Variants in MIDN observed in about 807,000 individuals in gnomAD.
The protein encoded by MIDN is midnolin.
A neutral mutation model predicts 46.1 loss-of-function variants in MIDN; 26 were observed. The observed-to-expected ratio is 0.56, with a 90% CI of 0.41 to 0.78. MIDN has a LOEUF of 0.78. Ranked by LOEUF, MIDN falls within the 30% of genes least tolerant of loss-of-function variation. The probability of loss-of-function intolerance (pLI) is 0.00; values close to 1 mark genes in which losing one functional copy is unlikely to be tolerated. For missense variants in MIDN, 850 were observed against 771.8 expected, an observed-to-expected ratio of 1.10 and a Z score of -1.20; for synonymous variants, 432 against 343.3, an observed-to-expected ratio of 1.26 and a Z score of -2.86.
In MIDN at chr19:1,253,045, G is replaced by GGC. The variant is rs1279162634; in HGVS notation, c.385-908_385-907insCG. On this transcript the variant is annotated intron_variant, in intron 4 of 8. Transcript: ENST00000682408. The stretch of plus-strand genomic sequence containing the variant: ...GGAAGGAGCTGGGTTGGGGGGGGCT[G>GGC]GAGGGGGTGCTGGGCGGAGACACTG... Among the ~76,000 whole-genome samples, 23 of 46,478 alleles carry GGC rather than the reference G, an allele frequency of 4.9e-4. 1 individual carries two copies. Among genetic ancestry groups the GGC allele is most frequent in the African/African-American group, 2.2e-3 (23 of 10,226 alleles). 30.5% of individuals were successfully genotyped at this position (46,478 alleles called of 152,430 possible). A position where few individuals can be genotyped will look rare whatever the true frequency, so the allele number is the denominator to read the frequency against.
At position 1,254,235 on chromosome 19, in the gene MIDN, C is replaced by A. The variant is rs766023183; in HGVS notation, c.582C>A (p.Phe194Leu). ...LALRVGDHMM[F>L]VQLQLAAQHA... ...TGCGTGTGGGCGACCACATGATGTTCGTGCAGCTGCAGCTCGCGGCCCAGC... is the reference window on the plus strand; with the variant it reads ...TGCGTGTGGGCGACCACATGATGTTAGTGCAGCTGCAGCTCGCGGCCCAGC... Residue 194 changes from phenylalanine to leucine, a missense_variant, in exon 6 of 9, where the codon TTC (phenylalanine) becomes TTA (leucine). By Grantham distance (22) the Phe-to-Leu change is conservative. Coordinates refer to ENST00000682408, the MANE Select transcript of MIDN (RefSeq NM_001388306.1). 6.3e-7 allele frequency: 1 copy of A among 1,596,712 alleles called. No individual in the cohort carries two copies. Among genetic ancestry groups the A allele is most frequent in the South Asian group, 1.1e-5 (1 of 90,352 alleles).
chr19:1,250,651 G>A (rs1319864976), intron 2 of MIDN, 122 bp downstream of exon 2: 2 of 334,536 alleles, frequency 6.0e-6, no homozygotes, highest in Non-Finnish European at 8.9e-6. Context: ...CGCGCCGCGC[G>A]CTCTCGGGCG....
At position 1,257,448 on chromosome 19, in the gene MIDN, A is replaced by G. The variant is rs2081214028; in HGVS notation, c.*176A>G. ...TTTTTTCTTTTTTTAAAAAGTTCTGACCGTGGTTTCCTGGACTCTTCATGG... is the reference window on the plus strand; with the variant it reads ...TTTTTTCTTTTTTTAAAAAGTTCTGGCCGTGGTTTCCTGGACTCTTCATGG... On this transcript the variant is annotated 3_prime_UTR_variant, in exon 9 of 9. Coordinates refer to ENST00000682408, the MANE Select transcript of MIDN (RefSeq NM_001388306.1). 1.7e-6 allele frequency: 1 copy of G among 584,700 alleles called. No homozygotes were observed. The highest frequency in any genetic ancestry group is 3.1e-5 in the East Asian group (1 of 32,600). The allele number at this position is 584,700 out of a possible 1,614,324, so 36.2% of individuals were successfully genotyped here.
chr19:1,251,632 G>C lies in MIDN; in HGVS notation c.304G>C (p.Val102Leu). The C allele has an allele frequency of 6.2e-7, 1 of 1,609,474 alleles. No individual in the cohort carries two copies. The highest frequency in any genetic ancestry group is 8.5e-7 in the Non-Finnish European group (1 of 1,178,414). Residue 102 changes from valine to leucine, a missense_variant, in exon 3 of 9, where the codon GTG (valine) becomes CTG (leucine). Transcript: ENST00000682408. ...CAGCAAGCTGACCTTGGTACCCACCGTGGAAGCGGGCCTCATGGTAAATGG... is the reference window on the plus strand; with the variant it reads ...CAGCAAGCTGACCTTGGTACCCACCCTGGAAGCGGGCCTCATGGTAAATGG... ...DGSKLTLVPTVEAGLMSQASR... is the reference protein window; with the variant it reads ...DGSKLTLVPTLEAGLMSQASR...
Position 1,256,933 on chromosome 19 carries a change from G to A in MIDN, c.1259-62G>A, listed in dbSNP as rs367800512. 1.0e-4 allele frequency: 160 copies of A among 1,594,570 alleles called. 2 individuals carry two copies. In the South Asian group the frequency reaches 1.7e-3, roughly 17 times the overall value. Reference sequence around the variant, plus strand: ...TCAGGGGCATTTGCTGGGGTCTGGGGTGGTCCTCTGTGTTCAGCAGGTGGA... The same window carrying A: ...TCAGGGGCATTTGCTGGGGTCTGGGATGGTCCTCTGTGTTCAGCAGGTGGA... On this transcript the variant is annotated intron_variant, in intron 8 of 8. Transcript: ENST00000682408.
chr19:1,254,506 C>T (rs1274192844), intron 6 of MIDN, 28 bp downstream of exon 6: 1 of 1,537,946 alleles, frequency 6.5e-7, no homozygotes, highest in African/African-American at 1.4e-5. Flanking sequence ...AAGGGTGACC[C>T]TTGGTTGGAA....
rs1020458052 is a variant in MIDN, at chr19:1,258,100, C to G, written c.*828C>G. On this transcript the variant is annotated 3_prime_UTR_variant, in exon 9 of 9. Transcript: ENST00000682408. ...GACTGTGCTGTTTCCTCCGCCCCCACTCCCGTGTTTTCTGACCTCCTGCCT... is the reference window on the plus strand; with the variant it reads ...GACTGTGCTGTTTCCTCCGCCCCCAGTCCCGTGTTTTCTGACCTCCTGCCT... 1 of 152,598 alleles carries G rather than the reference C, an allele frequency of 6.6e-6. No individual in the cohort carries two copies. Among genetic ancestry groups the G allele is most frequent in the South Asian group, 2.1e-4 (1 of 4,864 alleles). The allele number at this position is 152,598 out of a possible 1,614,324, so 9.5% of individuals were successfully genotyped here.
rs754226865 is a variant in MIDN, at chr19:1,254,917, C to G, written c.841C>G (p.Pro281Ala). 1 of 1,607,004 alleles carries G rather than the reference C, an allele frequency of 6.2e-7. No individual in the cohort carries two copies. Among genetic ancestry groups the G allele is most frequent in the Non-Finnish European group, 8.5e-7 (1 of 1,176,606 alleles). The change falls in exon 7 of 9, where the codon CCC (proline) becomes GCC (alanine). Residue 281 changes from proline to alanine, a missense_variant. Physicochemically the swap from Pro to Ala is conservative, Grantham distance 27. Coordinates refer to ENST00000682408, the MANE Select transcript of MIDN (RefSeq NM_001388306.1). ...TTCPEQMDCS[P>A]TASSSASPGA... The stretch of plus-strand genomic sequence containing the variant: ...CTCCCATCAGCAGATGGACTGCTCC[C>G]CCACGGCCAGCAGCAGTGCCAGTCC...
rs567404779 is a variant in MIDN, at chr19:1,252,110, G to GTGGC, written c.384+212_384+215dup. Among the ~76,000 whole-genome samples, 408 of 152,310 alleles carry GTGGC rather than the reference G, an allele frequency of 2.7e-3. 1 individual carries two copies. The highest frequency in any genetic ancestry group is 9.4e-3 in the African/African-American group (390 of 41,558). ...GACCCGGAGGGCTTTCTCTCCCACG[G>GTGGC]TGGCTGCCCTGGGGGAAGGGGGCCT... is the stretch of plus-strand genomic sequence containing the variant. On this transcript the variant is annotated intron_variant, in intron 4 of 8. Transcript: ENST00000682408.
Position 1,255,417 on chromosome 19 carries a change from C to G in MIDN, c.986-5C>G. On this transcript the variant is annotated splice_polypyrimidine_tract_variant and splice_region_variant and intron_variant, in intron 7 of 8. Coordinates refer to ENST00000682408, the MANE Select transcript of MIDN (RefSeq NM_001388306.1). The stretch of plus-strand genomic sequence containing the variant: ...CCGGGCACTCACGGCCACCTCTGCC[C>G]GCAGGCACGCTACACCCCAACTGCC... 6.3e-7 allele frequency: 1 copy of G among 1,579,336 alleles called. No homozygotes were observed. Among genetic ancestry groups the G allele is most frequent in the Non-Finnish European group, 8.6e-7 (1 of 1,164,046 alleles).
At position 1,257,318 on chromosome 19, in the gene MIDN, C is replaced by T. The variant is rs372884117; in HGVS notation, c.*46C>T. Reference sequence around the variant, plus strand: ...TCGCCCCTCGCACCCCAGCCCAGGGCGGCGGGGACTCCGAGAGCCCCGGAG... The same window carrying T: ...TCGCCCCTCGCACCCCAGCCCAGGGTGGCGGGGACTCCGAGAGCCCCGGAG... On this transcript the variant is annotated 3_prime_UTR_variant, in exon 9 of 9. Transcript: ENST00000682408. 79 of 1,559,102 alleles carry T rather than the reference C, an allele frequency of 5.1e-5. No individual in the cohort carries two copies. The highest frequency in any genetic ancestry group is 1.8e-4 in the East Asian group (8 of 44,514).
intron 7 of MIDN, 25 bp from the exon 8 acceptor site, chr19:1,255,397 C>T (rs1261542394): frequency 1.3e-6 from 2 of 1,558,974 alleles, no homozygotes; most frequent in Non-Finnish European, 1.7e-6. Context: ...CCGTGCCGGG[C>T]ACTCACGGCC....
At chr19:1,256,353 G>A (rs2145497983) in intron 8 of MIDN, among the ~76,000 whole-genome samples, 1 of 152,226 alleles carries the variant, frequency 6.6e-6, no homozygotes, top group Admixed American at 6.5e-5. Context: ...CGTGGTGGTG[G>A]GCGCCTGTAG....
At chr19:1,250,572 G>T (rs1568779747) in intron 2 of MIDN, 43 bp downstream of exon 2, 3 of 1,062,492 alleles carry the variant, frequency 2.8e-6, no homozygotes, top group Non-Finnish European at 3.5e-6. Flanking sequence ...CTCGGGCCCC[G>T]GCCCCCGGGC....
chr19:1,249,173 G>T (rs2081090423), intron 1 of MIDN, among the ~76,000 whole-genome samples: 1 of 148,998 alleles, frequency 6.7e-6, no homozygotes, highest in Non-Finnish European at 1.5e-5. Flanking sequence ...GGCGCGCCTC[G>T]GGGAAACGGG....
At chr19:1,255,116 T>A in intron 7 of MIDN, 55 bp downstream of exon 7, 1 of 1,571,062 alleles carries the variant, frequency 6.4e-7, no homozygotes, top group Non-Finnish European at 8.7e-7. Flanking sequence ...CCTGTGCATT[T>A]GGGGTCTACA....
At chr19:1,251,077 G>A (rs1207992205) in intron 2 of MIDN, among the ~76,000 whole-genome samples, 1 of 152,040 alleles carries the variant, frequency 6.6e-6, no homozygotes, top group Non-Finnish European at 1.5e-5. Context: ...GAGGGGGAGG[G>A]TCTCCTTTGT....
At chr19:1,254,824 G>A (rs1399336939) in intron 6 of MIDN, 78 bp from the exon 7 acceptor site, 1 of 1,483,576 alleles carries the variant, frequency 6.7e-7, no homozygotes, top group Non-Finnish European at 9.1e-7. Flanking sequence ...CTGGGCTGGT[G>A]GGTGATCTCT....
rs549075254 is a variant in MIDN, at chr19:1,255,272, G to C, written c.986-150G>C. On this transcript the variant is annotated intron_variant, in intron 7 of 8. Transcript: ENST00000682408. Reference sequence around the variant, plus strand: ...CACCAGGCGCCTGCATACTGGGGACGTGTCCCGCTCCCGCCCCGTGGTCCC... The same window carrying C: ...CACCAGGCGCCTGCATACTGGGGACCTGTCCCGCTCCCGCCCCGTGGTCCC... 5.9e-3 allele frequency: 7,032 copies of C among 1,184,684 alleles called. 25 individuals are homozygous for C. Among genetic ancestry groups the C allele is most frequent in the Non-Finnish European group, 7.0e-3 (6,102 of 865,674 alleles). 73.4% of individuals were successfully genotyped at this position (1,184,684 alleles called of 1,614,324 possible).
Sources: gnomAD v4.1 joint callset for allele counts (sites outside exome capture counted in the v4.1 genomes callset) on GRCh38, gnomAD v4.1.1 for gene constraint, MANE v1.5 for transcripts, NCBI Gene and HGNC (gene_info 2026-07-23, HGNC 2026-07-21) for gene names.